Variants in ASTN2 observed in about 807,000 individuals in gnomAD.
ASTN2 encodes the protein astrotactin-2.
In ASTN2, 54 loss-of-function variants were observed where a neutral mutation model predicts 139.8. The observed-to-expected ratio is 0.39, with a 90% CI of 0.31 to 0.48. The LOEUF is 0.48. Among genes scored for constraint, ASTN2 ranks in the 20% least tolerant of loss-of-function variants. The pLI is 0.95. For missense variants in ASTN2, 1,565 were observed against 1,725.1 expected (o/e 0.91, Z 1.64); for synonymous variants, 756 against 719.5 (o/e 1.05, Z -0.81).
In ASTN2 at chr9:117,370,786, A is replaced by G. The variant is rs143572795; in HGVS notation, c.442+43711T>C. On this transcript the variant is annotated intron_variant, in intron 1 of 22. Transcript: ENST00000313400. ...CAGTGATGAAATCATAGCTCTCTCAATGCAGCCTCACACTCCTGAGATCAA... is the reference window on the plus strand; with the variant it reads ...CAGTGATGAAATCATAGCTCTCTCAGTGCAGCCTCACACTCCTGAGATCAA... Among the ~76,000 whole-genome samples the G allele has an allele frequency of 1.6e-3, 247 of 152,122 alleles. 2 individuals carry two copies. The highest frequency in any genetic ancestry group is 5.8e-3 in the African/African-American group (242 of 41,526).
chr9:116,684,390 ATTGTTAGCTG>A (rs956492291), intron 16 of ASTN2, among the ~76,000 whole-genome samples: 5 of 152,178 alleles, frequency 3.3e-5, no homozygotes, highest in Non-Finnish European at 7.4e-5. Flanking sequence ...GAGGAAACCT[ATTGTTAGCTG>A]TTGTTAGCTG....
chr9:116,578,547 A>C (rs570091765), intron 19 of ASTN2, among the ~76,000 whole-genome samples: 1 of 152,016 alleles, frequency 6.6e-6, no homozygotes, highest in Non-Finnish European at 1.5e-5. Flanking sequence ...AATGCAAAAA[A>C]AAAATGTGTC....
intron 19 of ASTN2, among the ~76,000 whole-genome samples, chr9:116,560,148 A>G (rs1312878956): frequency 1.3e-5 from 2 of 152,214 alleles, no homozygotes; most frequent in South Asian, 2.1e-4. Context: ...GTAGTTAACA[A>G]TGTGTAAATG....
intron 6 of ASTN2, among the ~76,000 whole-genome samples, chr9:117,013,150 G>C (rs1039871009): frequency 6.6e-6 from 1 of 152,152 alleles, no homozygotes; most frequent in Non-Finnish European, 1.5e-5. Flanking sequence ...GTGGGCATGT[G>C]AGAGAGAACA....
intron 1 of ASTN2, among the ~76,000 whole-genome samples, chr9:117,323,191 A>T (rs1828390604): frequency 2.0e-5 from 3 of 152,142 alleles, no homozygotes; most frequent in Non-Finnish European, 2.9e-5. Flanking sequence ...ATATACACAC[A>T]GAGATACCAT....
chr9:117,410,556 C>T (rs536796136), intron 1 of ASTN2, among the ~76,000 whole-genome samples: 1 of 152,310 alleles, frequency 6.6e-6, no homozygotes, highest in East Asian at 1.9e-4. Context: ...AGAATTGAAG[C>T]TCTGGGGGAT....
At chr9:117,094,149 AG>A in intron 5 of ASTN2, among the ~76,000 whole-genome samples, 2 of 96,146 alleles carry the variant, frequency 2.1e-5, no homozygotes, top group African/African-American at 4.1e-5. Flanking sequence ...GGAGGGAGGG[AG>A]GGAGAAAGGG....
chr9:117,261,141 G>A (rs1833812971), intron 2 of ASTN2, among the ~76,000 whole-genome samples: 1 of 152,192 alleles, frequency 6.6e-6, no homozygotes, highest in Admixed American at 6.5e-5. Flanking sequence ...CTGCTTTCAT[G>A]AAGATCACAT....
At chr9:116,746,259 G>A (rs1274815085) in intron 13 of ASTN2, among the ~76,000 whole-genome samples, 1 of 151,528 alleles carries the variant, frequency 6.6e-6, no homozygotes, top group African/African-American at 2.4e-5. Flanking sequence ...GCTAATGTTT[G>A]TATTTTTCAG....
intron 3 of ASTN2, among the ~76,000 whole-genome samples, chr9:117,165,634 C>T (rs1483659513): frequency 2.0e-5 from 3 of 152,104 alleles, no homozygotes; most frequent in African/African-American, 7.2e-5. Context: ...CCTGTGTTCA[C>T]TCTGCATTCC....
chr9:117,159,646 T>C (rs923600740), intron 3 of ASTN2, among the ~76,000 whole-genome samples: 9 of 152,086 alleles, frequency 5.9e-5, no homozygotes, highest in African/African-American at 2.2e-4. Context: ...AGGTGCTTGA[T>C]ATAGATGATC....
chr9:116,686,740 T>C (rs1461925382), intron 16 of ASTN2: 54 of 1,550,476 alleles, frequency 3.5e-5, no homozygotes, highest in Non-Finnish European at 4.5e-5. Flanking sequence ...ACTCCCCAAG[T>C]CTGCCTCTGC....
chr9:117,385,451 C>G (rs932596355), intron 1 of ASTN2, among the ~76,000 whole-genome samples: 5 of 151,998 alleles, frequency 3.3e-5, no homozygotes, highest in Non-Finnish European at 5.9e-5. Flanking sequence ...TCTGTGAGAA[C>G]AAGGGGAGGC....
At chr9:116,628,898 A>T (rs1856592570) in intron 17 of ASTN2, among the ~76,000 whole-genome samples, 1 of 152,092 alleles carries the variant, frequency 6.6e-6, no homozygotes, top group African/African-American at 2.4e-5. Flanking sequence ...AGTCTATTTG[A>T]CTTCCTGCCA....
intron 1 of ASTN2, among the ~76,000 whole-genome samples, chr9:117,368,093 T>G (rs970232986): frequency 1.3e-5 from 2 of 152,082 alleles, no homozygotes; most frequent in Non-Finnish European, 1.5e-5. Context: ...AAGCTAACGA[T>G]CCGCAAGTCA....
chr9:116,944,982 G>A (rs1341672395), intron 10 of ASTN2, among the ~76,000 whole-genome samples: 1 of 152,254 alleles, frequency 6.6e-6, no homozygotes, highest in Middle Eastern at 3.4e-3. Context: ...TTCAGAGTCG[G>A]TCAAGTCATC....
rs184561682 is a variant in ASTN2 at position 117,311,139 on chromosome 9, C to A, written c.443-19626G>T. Among the ~76,000 whole-genome samples the A allele has an allele frequency of 1.1e-3, 169 of 151,196 alleles. 1 individual carries two copies. The highest frequency in any genetic ancestry group is 4.0e-3 in the African/African-American group (163 of 41,198). On this transcript the variant is annotated intron_variant, in intron 1 of 22. Coordinates refer to ENST00000313400, the MANE Select transcript of ASTN2 (RefSeq NM_001365068.1). The stretch of plus-strand genomic sequence containing the variant: ...CTGGAGAACTCAATTTAAGACAGGG[C>A]TGCTCCAAGCTTAATTGAGATAATG...
At chr9:116,856,125 C>A (rs922888326) in intron 11 of ASTN2, among the ~76,000 whole-genome samples, 1 of 152,160 alleles carries the variant, frequency 6.6e-6, no homozygotes, top group Non-Finnish European at 1.5e-5. Context: ...CATAAAGACA[C>A]CTGCCTGCTG....
chr9:117,291,333 G>T lies in ASTN2; in HGVS notation c.623C>A (p.Ser208Tyr). The T allele has an allele frequency of 6.2e-7, 1 of 1,613,580 alleles. No individual in the cohort carries two copies. The highest frequency in any genetic ancestry group is 2.2e-5 in the East Asian group (1 of 44,788). Residue 208 changes from serine (S) to tyrosine (Y), a missense_variant, in exon 2 of 23, where the codon TCT becomes TAT. Ser to Tyr is a moderately radical substitution (Grantham distance 144, BLOSUM62 -2). Around this residue, in one of 4 missense-constraint regions of ASTN2, gnomAD observed 596 missense variants for 576.8 expected, o/e 1.03. Coordinates refer to ENST00000313400, the MANE Select transcript of ASTN2 (RefSeq NM_001365068.1). ...CATCCCCCCATCACTCACCATCACAGAAATGTGGAGGATGTGCATCTGCTC... is the reference window on the plus strand; with the variant it reads ...CATCCCCCCATCACTCACCATCACATAAATGTGGAGGATGTGCATCTGCTC... ...VEEQMHILHI[S>Y]VMGGLIALLL...
Sources: gnomAD v4.1 joint callset for allele counts (sites outside exome capture counted in the v4.1 genomes callset) on GRCh38, gnomAD v4.1.1 for gene constraint, gnomAD v4.1.1 regional missense constraint, MANE v1.5 for transcripts, NCBI Gene and HGNC (gene_info 2026-07-23, HGNC 2026-07-21) for gene names.